The following CCNY variants were observed in gnomAD, a reference collection of about 807,000 sequenced individuals.
The protein encoded by CCNY is cyclin Y.
Under a neutral mutation model 42.8 loss-of-function variants are expected in CCNY, and 19 were observed. That is an observed-to-expected ratio of 0.44 (90% confidence interval 0.31 to 0.65). The LOEUF (loss-of-function observed/expected upper bound fraction) is 0.65. CCNY is among the 30% of genes least tolerant of loss of function. The pLI is 0.07. For missense variants in CCNY, 370 were observed against 437.3 expected (o/e 0.85, Z 1.37); for synonymous variants, 165 against 162.7 (o/e 1.01, Z -0.11).
At chr10:35,391,076 A>G (rs1045365060) in intron 1 of CCNY, among the ~76,000 whole-genome samples, 11 of 152,220 alleles carry the variant, frequency 7.2e-5, no homozygotes, top group Non-Finnish European at 1.6e-4. Context: ...CAGTGCCGCA[A>G]AGAAATAGCA....
rs116754541 is a variant in CCNY, at chr10:35,367,513, T to A, written c.154+30306T>A. ...TAGGTAAAGGTCATTTCTTGTGAGA[T>A]AACATGGGTCTACATCTCATGGATT... is the stretch of plus-strand genomic sequence containing the variant. On this transcript the variant is annotated intron_variant, in intron 1 of 9. Transcript: ENST00000374704. Among the ~76,000 whole-genome samples, 1,036 of 152,344 alleles carry A rather than the reference T, an allele frequency of 6.8e-3. 11 individuals carry two copies. Among genetic ancestry groups the A allele is most frequent in the African/African-American group, 0.024 (989 of 41,578 alleles).
intron 1 of CCNY, among the ~76,000 whole-genome samples, chr10:35,396,148 G>A (rs938159603): frequency 1.3e-5 from 2 of 152,234 alleles, no homozygotes; most frequent in African/African-American, 4.8e-5. Flanking sequence ...AGTGTGTGAA[G>A]CAATGAAGAT....
intron 3 of CCNY, among the ~76,000 whole-genome samples, chr10:35,311,333 C>CA (rs922775116): frequency 1.3e-5 from 2 of 150,940 alleles, no homozygotes; most frequent in African/African-American, 4.9e-5. Context: ...ACAACAACAA[C>CA]AAAAAAATAC....
At chr10:35,340,947 T>G (rs1045311444) in intron 1 of CCNY, among the ~76,000 whole-genome samples, 1 of 152,192 alleles carries the variant, frequency 6.6e-6, no homozygotes, top group African/African-American at 2.4e-5. Flanking sequence ...CTGCTGCTGC[T>G]CTTCTGGAGA....
chr10:35,438,040 C>G (rs1838578119), intron 1 of CCNY, among the ~76,000 whole-genome samples: 1 of 152,122 alleles, frequency 6.6e-6, no homozygotes, highest in Non-Finnish European at 1.5e-5. Context: ...TTCTGTGTGT[C>G]TCTCTCTCGA....
intron 3 of CCNY, among the ~76,000 whole-genome samples, chr10:35,286,664 T>C (rs946266100): frequency 2.1e-5 from 3 of 145,828 alleles, no homozygotes; most frequent in Non-Finnish European, 4.5e-5. Flanking sequence ...CCTTTTTTTT[T>C]TTTTTTTTTT....
chr10:35,480,951 G>C (rs755532994), intron 1 of CCNY, among the ~76,000 whole-genome samples: 1 of 152,148 alleles, frequency 6.6e-6, no homozygotes, highest in Non-Finnish European at 1.5e-5. Flanking sequence ...GGGTGACAGC[G>C]CAAGACCCCA....
At chr10:35,483,959 A>G (rs1839729941) in intron 2 of CCNY, among the ~76,000 whole-genome samples, 1 of 152,138 alleles carries the variant, frequency 6.6e-6, no homozygotes, top group Non-Finnish European at 1.5e-5. Context: ...CCTCTATAAT[A>G]ATAACAACCA....
At chr10:35,449,208 C>A (rs530641681) in intron 1 of CCNY, among the ~76,000 whole-genome samples, 1 of 145,276 alleles carries the variant, frequency 6.9e-6, no homozygotes, top group Admixed American at 7.1e-5. Flanking sequence ...GAGGTCACCA[C>A]GCAGCGAGGA....
chr10:35,333,398 A>G (rs1320770948), upstream of CCNY, among the ~76,000 whole-genome samples: 1 of 152,224 alleles, frequency 6.6e-6, no homozygotes, highest in Non-Finnish European at 1.5e-5. Context: ...CCCCACAGAA[A>G]TAACAAGGCT....
At chr10:35,310,863 G>T (rs772152693) in intron 3 of CCNY, among the ~76,000 whole-genome samples, 2 of 152,144 alleles carry the variant, frequency 1.3e-5, no homozygotes, top group East Asian at 3.8e-4. Flanking sequence ...AGGATTGGCC[G>T]GGAATCGTGG....
chr10:35,524,553 C>T (rs750285871), intron 4 of CCNY, among the ~76,000 whole-genome samples: 6 of 152,166 alleles, frequency 3.9e-5, no homozygotes, highest in African/African-American at 7.2e-5. Context: ...CGGGCCGAGT[C>T]GGTACCCTGA....
At chr10:35,541,702 A>G (rs971391837) in intron 7 of CCNY, among the ~76,000 whole-genome samples, 6 of 152,052 alleles carry the variant, frequency 3.9e-5, no homozygotes, top group Non-Finnish European at 4.4e-5. Context: ...ACCTGCCCAT[A>G]TATTATTATT....
At chr10:35,319,544 T>C (rs1454806651) in intron 3 of CCNY, among the ~76,000 whole-genome samples, 1 of 152,070 alleles carries the variant, frequency 6.6e-6, no homozygotes, top group Non-Finnish European at 1.5e-5. Context: ...AATGGACAAA[T>C]TGGTTGAATG....
intron 1 of CCNY, among the ~76,000 whole-genome samples, chr10:35,451,382 TTGTAAA>T (rs1287819106): frequency 6.6e-6 from 1 of 152,236 alleles, no homozygotes; most frequent in Non-Finnish European, 1.5e-5. Flanking sequence ...ACTTGGGCAC[TTGTAAA>T]TGTTACCAAG....
chr10:35,528,326 G>A (rs1001310602), intron 5 of CCNY, among the ~76,000 whole-genome samples: 3 of 152,178 alleles, frequency 2.0e-5, no homozygotes, highest in South Asian at 2.1e-4. Flanking sequence ...CCTTTCTTTC[G>A]CTTGGGTTGA....
intron 3 of CCNY, among the ~76,000 whole-genome samples, chr10:35,263,801 T>A (rs1309547117): frequency 6.6e-6 from 1 of 152,156 alleles, no homozygotes; most frequent in Non-Finnish European, 1.5e-5. Flanking sequence ...GGTATTAAGG[T>A]CAGCGCCCAT....
At chr10:35,401,175 G>T (rs1837636250) in intron 1 of CCNY, among the ~76,000 whole-genome samples, 1 of 152,208 alleles carries the variant, frequency 6.6e-6, no homozygotes, top group Admixed American at 6.5e-5. Context: ...AGAATTGTTG[G>T]ACTCTACCTG....
intron 1 of CCNY, among the ~76,000 whole-genome samples, chr10:35,430,360 A>AAG (rs1838363680): frequency 1.3e-5 from 2 of 150,052 alleles, no homozygotes; most frequent in African/African-American, 5.0e-5. Context: ...AAAAAAAAAA[A>AAG]AGTGATGAGA....
Sources: allele counts gnomAD v4.1 joint callset (sites outside exome capture counted in the v4.1 genomes callset), GRCh38; gene constraint gnomAD v4.1.1; transcripts MANE v1.5; gene names NCBI Gene and HGNC (gene_info 2026-07-23, HGNC 2026-07-21).